Variants in CDH23 observed in about 807,000 individuals in gnomAD.
CDH23 encodes the protein cadherin related 23.
A neutral mutation model predicts 317.1 loss-of-function variants in CDH23; 189 were observed. That is an observed-to-expected ratio of 0.60 (90% CI 0.53 to 0.67). The LOEUF (loss-of-function observed/expected upper bound fraction) is 0.67, where lower values mean the gene tolerates loss of function less well. Ranked by LOEUF, CDH23 falls within the 30% of genes least tolerant of loss-of-function variation. The pLI is 0.00. For synonymous variants in CDH23, 1,839 were observed against 1,876.8 expected, an observed-to-expected ratio of 0.98 and a Z score of 0.52; for missense variants, 4,401 against 4,592.4, an observed-to-expected ratio of 0.96 and a Z score of 1.20.
At chr10:71,402,850 C>G (rs1485192315) in intron 1 of CDH23, among the ~76,000 whole-genome samples, 1 of 152,160 alleles carries the variant, frequency 6.6e-6, no homozygotes, top group African/African-American at 2.4e-5. Context: ...GGCGTGGTGG[C>G]TCACGCCTGT....
At chr10:71,807,460 C>T (rs113866569) in intron 58 of CDH23, 54 bp downstream of exon 58, 7 of 1,612,660 alleles carry the variant, frequency 4.3e-6, no homozygotes, top group African/African-American at 4.0e-5. Context: ...AGATGACCCA[C>T]ATATGCCCTG....
At chr10:71,505,529 T>A (rs1014168810) in intron 3 of CDH23, among the ~76,000 whole-genome samples, 1 of 152,212 alleles carries the variant, frequency 6.6e-6, no homozygotes, top group Non-Finnish European at 1.5e-5. Flanking sequence ...CCGGCTGTGC[T>A]GTGTTTAGGA....
Position 71,687,788 on chromosome 10 carries a change from G to A in CDH23, c.2059+69G>A, listed in dbSNP as rs185906172. On this transcript the variant is annotated intron_variant, in intron 19 of 69. Coordinates refer to ENST00000224721, the MANE Select transcript of CDH23 (RefSeq NM_022124.6). ...AGCCAGCAGTCACGGCACCCAGGAT[G>A]TGCAGACCCCGGCTCTGCACACAAA... The A allele has an allele frequency of 7.0e-6, 10 of 1,425,582 alleles. No homozygotes were observed. In the East Asian group the frequency reaches 1.8e-4, roughly 26 times the overall value. The allele number at this position is 1,425,582 out of a possible 1,614,324, so 88.3% of individuals were successfully genotyped here. A position where few individuals can be genotyped will look rare whatever the true frequency, so the allele number is the denominator to read the frequency against.
intron 38 of CDH23, among the ~76,000 whole-genome samples, chr10:71,759,872 TACAC>T (rs1171869977): frequency 2.9e-5 from 1 of 34,866 alleles, no homozygotes. Flanking sequence ...CACATATATA[TACAC>T]ACACACACAT....
intron 32 of CDH23, among the ~76,000 whole-genome samples, chr10:71,733,345 A>G (rs1343457987): frequency 6.6e-6 from 1 of 152,224 alleles, no homozygotes; most frequent in Admixed American, 6.5e-5. Context: ...AGGGATGTCT[A>G]TGGAGGCTTC....
intron 18 of CDH23, 137 bp downstream of exon 18, chr10:71,682,709 G>A: frequency 8.8e-7 from 1 of 1,138,878 alleles, no homozygotes; most frequent in Non-Finnish European, 1.3e-6. Flanking sequence ...CCAGCCATCT[G>A]TCCCAAAGCC....
chr10:71,641,678 G>A (rs1356604757), intron 11 of CDH23, among the ~76,000 whole-genome samples: 4 of 152,176 alleles, frequency 2.6e-5, no homozygotes, highest in African/African-American at 4.8e-5. Context: ...GGAGCAATCT[G>A]CAGGTGATTC....
At chr10:71,441,806 G>A (rs763554871) in intron 2 of CDH23, among the ~76,000 whole-genome samples, 14 of 152,106 alleles carry the variant, frequency 9.2e-5, no homozygotes, top group South Asian at 6.2e-4. Context: ...TGTGAGACAC[G>A]GCAGTCTCCC....
chr10:71,751,834 G>A lies in CDH23; in HGVS notation c.4845+9913G>A, dbSNP rs1220977803. 2.0e-5 allele frequency: 32 copies of A among 1,566,306 alleles called. No individual in the cohort carries two copies. The highest frequency in any genetic ancestry group is 3.8e-4 in the Middle Eastern group (2 of 5,222). On this transcript the variant is annotated intron_variant, in intron 38 of 69. Transcript: ENST00000224721. The surrounding 1 kb of genome is among the most constrained non-coding windows in gnomAD (Gnocchi z 4.9). ...CCTGGGCAGGTGGTGAGGCTTCAAA[G>A]CCGGGGTTTTCAATCCCTTGAATGT...
At chr10:71,661,281 C>T (rs1863638992) in intron 14 of CDH23, among the ~76,000 whole-genome samples, 1 of 152,168 alleles carries the variant, frequency 6.6e-6, no homozygotes, top group African/African-American at 2.4e-5. Flanking sequence ...CCGGCCCAGC[C>T]TCCTGCAGGA....
chr10:71,746,847 C>T (rs541453179), intron 38 of CDH23, among the ~76,000 whole-genome samples: 9 of 152,332 alleles, frequency 5.9e-5, no homozygotes, highest in African/African-American at 9.6e-5. Flanking sequence ...AATCTCCCAC[C>T]GCCCCCTTCT....
At chr10:71,726,327 C>T (rs888788454) in intron 30 of CDH23, among the ~76,000 whole-genome samples, 2 of 152,204 alleles carry the variant, frequency 1.3e-5, no homozygotes, top group East Asian at 1.9e-4. Flanking sequence ...ACTGAGTGCC[C>T]GGCTCCTCTT....
At chr10:71,810,099 G>A (rs751019592) in intron 61 of CDH23, 23 bp downstream of exon 61, 9 of 1,608,406 alleles carry the variant, frequency 5.6e-6, no homozygotes, top group South Asian at 1.1e-5. Context: ...CCCACCCGGG[G>A]CCGGGGCAGT....
rs190480756 is a variant in CDH23 at position 71,642,807 on chromosome 10, G to A, written c.1135-1054G>A. On this transcript the variant is annotated intron_variant, in intron 11 of 69. Transcript: ENST00000224721. ...TCCACTGGAGGGGCTGGAGGGGCCC[G>A]TGGGAGGAGTAGCAGTAACACACAA... is the stretch of plus-strand genomic sequence containing the variant. Among the ~76,000 whole-genome samples the A allele has an allele frequency of 3.0e-3, 454 of 152,292 alleles. 1 individual carries two copies. The highest frequency in any genetic ancestry group is 4.6e-3 in the Non-Finnish European group (314 of 68,022).
chr10:71,415,706 T>G (rs1217500497), intron 1 of CDH23, among the ~76,000 whole-genome samples: 2 of 152,206 alleles, frequency 1.3e-5, no homozygotes, highest in African/African-American at 4.8e-5. Context: ...ATTTTTATTG[T>G]TGTGAGGTTC....
At chr10:71,767,941 C>T (rs1173819786) in intron 38 of CDH23, among the ~76,000 whole-genome samples, 1 of 152,144 alleles carries the variant, frequency 6.6e-6, no homozygotes, top group Non-Finnish European at 1.5e-5. Flanking sequence ...GGCAGCTGGC[C>T]AGAGGTCCCG....
At chr10:71,443,845 C>T (rs1850022294) in intron 2 of CDH23, among the ~76,000 whole-genome samples, 1 of 152,266 alleles carries the variant, frequency 6.6e-6, no homozygotes, top group African/African-American at 2.4e-5. Flanking sequence ...CCTGTCTGCC[C>T]CGCCTGTGGT....
At chr10:71,656,490 A>G (rs1041870067) in intron 14 of CDH23, among the ~76,000 whole-genome samples, 2 of 152,238 alleles carry the variant, frequency 1.3e-5, no homozygotes, top group Non-Finnish European at 2.9e-5. Context: ...GTGGTGAGCC[A>G]GACAACTTCC....
chr10:71,639,730 G>A (rs762611638), intron 11 of CDH23, among the ~76,000 whole-genome samples: 18 of 152,246 alleles, frequency 1.2e-4, no homozygotes, highest in African/African-American at 2.2e-4. Context: ...GGTGTGTGAC[G>A]CCTGTGTCAT....
Sources: gnomAD v4.1 joint callset for allele counts (sites outside exome capture counted in the v4.1 genomes callset) on GRCh38, gnomAD v4.1.1 for gene constraint, Gnocchi (gnomAD v3.1) non-coding constraint, MANE v1.5 for transcripts, NCBI Gene and HGNC (gene_info 2026-07-23, HGNC 2026-07-21) for gene names.